ABCC1: variants seen among roughly 807,000 people sequenced by gnomAD.
ABCC1 encodes ATP binding cassette subfamily C member 1 (ABCC1 blood group).
In ABCC1, 83 loss-of-function variants were observed where a neutral mutation model predicts 172.9. The ratio of observed to expected loss-of-function variants is 0.48; its 90% confidence interval spans 0.40 to 0.58. The LOEUF (loss-of-function observed/expected upper bound fraction) is 0.58. Among genes scored for constraint, ABCC1 ranks in the 20% least tolerant of loss-of-function variants. ABCC1 has a pLI of 0.00. For synonymous variants in ABCC1, 937 were observed against 825.2 expected (o/e 1.14, Z -2.32); for missense variants, 1,817 against 2,002.7 (o/e 0.91, Z 1.77).
chr16:16,048,332 A>C, intron 10 of ABCC1, 29 bp downstream of exon 10: 1 of 1,611,736 alleles, frequency 6.2e-7, no homozygotes, highest in Non-Finnish European at 8.5e-7. Flanking sequence ...TTCCCTTTGC[A>C]TGCAGGGAGG....
chr16:16,063,744 G>T (rs961073782), intron 12 of ABCC1, among the ~76,000 whole-genome samples: 1 of 152,144 alleles, frequency 6.6e-6, no homozygotes, highest in African/African-American at 2.4e-5. Context: ...CTTGATGGTG[G>T]TTTCTTTATT....
intron 24 of ABCC1, among the ~76,000 whole-genome samples, 188 bp downstream of exon 24, chr16:16,122,362 C>T (rs1296976022): frequency 1.3e-5 from 2 of 152,162 alleles, no homozygotes; most frequent in African/African-American, 4.8e-5. Flanking sequence ...GCACTGTAGA[C>T]ATGCAGTGCC....
intron 25 of ABCC1, 27 bp downstream of exon 25, chr16:16,124,942 T>C: frequency 6.2e-7 from 1 of 1,614,040 alleles, no homozygotes; most frequent in Non-Finnish European, 8.5e-7. Flanking sequence ...TTGGCTGGAT[T>C]ATTAAAGTCT....
chr16:16,049,611 C>T (rs1222037379), intron 10 of ABCC1, among the ~76,000 whole-genome samples: 1 of 152,144 alleles, frequency 6.6e-6, no homozygotes, highest in Non-Finnish European at 1.5e-5. Flanking sequence ...AGATGGACTT[C>T]TTCTTTTGAA....
intron 12 of ABCC1, among the ~76,000 whole-genome samples, chr16:16,062,427 A>T (rs1041006252): frequency 2.0e-5 from 3 of 151,810 alleles, no homozygotes; most frequent in Non-Finnish European, 4.4e-5. Flanking sequence ...GCTCACTGCA[A>T]CCTCCAACTC....
intron 24 of ABCC1, 29 bp from the exon 25 acceptor site, chr16:16,124,760 T>A: frequency 6.2e-7 from 1 of 1,613,754 alleles, no homozygotes; most frequent in South Asian, 1.1e-5. Context: ...ACTCCATGCC[T>A]GTTTGTCTGC....
intron 12 of ABCC1, among the ~76,000 whole-genome samples, chr16:16,060,627 T>A (rs1253330308): frequency 6.6e-6 from 1 of 152,014 alleles, no homozygotes; most frequent in East Asian, 1.9e-4. Flanking sequence ...GTTCAAGCAA[T>A]TCTCCTGCCT....
At chr16:16,106,690 T>C (rs1286034925) in intron 20 of ABCC1, 48 bp from the exon 21 acceptor site, 2 of 1,611,674 alleles carry the variant, frequency 1.2e-6, no homozygotes, top group Middle Eastern at 1.7e-4. Context: ...CCTCCGACCC[T>C]GCCCAAGGCA....
chr16:16,102,378 A>G (rs969757594), intron 19 of ABCC1, among the ~76,000 whole-genome samples: 3 of 152,170 alleles, frequency 2.0e-5, no homozygotes, highest in Non-Finnish European at 1.5e-5. Flanking sequence ...CAGTGCCCTC[A>G]GTGGATGGAG....
intron 30 of ABCC1, among the ~76,000 whole-genome samples, 200 bp from the exon 31 acceptor site, chr16:16,140,973 G>C (rs2046104596): frequency 2.0e-5 from 3 of 152,230 alleles, no homozygotes; most frequent in Admixed American, 1.3e-4. Context: ...TAGATATTAA[G>C]GAGCTGGCCT....
At chr16:15,988,626 A>T (rs942748770) in intron 1 of ABCC1, among the ~76,000 whole-genome samples, 2 of 152,176 alleles carry the variant, frequency 1.3e-5, no homozygotes, top group African/African-American at 4.8e-5. Flanking sequence ...TGTCAGCTTC[A>T]TAGGACGGGC....
At chr16:16,113,289 C>T (rs986183303) in intron 22 of ABCC1, among the ~76,000 whole-genome samples, 2 of 152,178 alleles carry the variant, frequency 1.3e-5, no homozygotes, top group African/African-American at 2.4e-5. Context: ...ACAGCAACAA[C>T]GTCTGTTCCA....
At chr16:16,048,396 T>A (rs1427496386) in intron 10 of ABCC1, 93 bp downstream of exon 10, 1 of 1,428,980 alleles carries the variant, frequency 7.0e-7, no homozygotes, top group East Asian at 2.3e-5. Flanking sequence ...GGTAATGGCA[T>A]GTAGAGCTCC....
At chr16:16,097,489 A>T (rs777507634) in intron 19 of ABCC1, among the ~76,000 whole-genome samples, 3 of 152,210 alleles carry the variant, frequency 2.0e-5, no homozygotes, top group Non-Finnish European at 2.9e-5. Flanking sequence ...CACTCAGTAA[A>T]TGTGTTAAAT....
chr16:16,052,558 G>T (rs561851239), intron 10 of ABCC1, among the ~76,000 whole-genome samples, 166 bp from the exon 11 acceptor site: 22 of 152,328 alleles, frequency 1.4e-4, no homozygotes, highest in African/African-American at 5.1e-4. Flanking sequence ...AGATGCTCAG[G>T]AATGAAACCA....
Position 16,059,533 on chromosome 16 carries a change from A to T in ABCC1, c.1677+3238A>T, listed in dbSNP as rs138708901. ...AAAAATATGAAATCTGGCTGGGCGC[A>T]GGGGCTCATGCCTGTAATCTCAGCA... On this transcript the variant is annotated intron_variant, in intron 12 of 30. Coordinates refer to ENST00000399410, the MANE Select transcript of ABCC1 (RefSeq NM_004996.4). Among the ~76,000 whole-genome samples the T allele has an allele frequency of 2.6e-5, 4 of 152,138 alleles. No individual in the cohort carries two copies. The East Asian group carries it at 7.7e-4, about 29-fold the overall frequency.
At chr16:16,063,510 A>G (rs2049996249) in intron 12 of ABCC1, among the ~76,000 whole-genome samples, 1 of 152,224 alleles carries the variant, frequency 6.6e-6, no homozygotes, top group African/African-American at 2.4e-5. Flanking sequence ...ACATGAATGA[A>G]TGAGAGGTTG....
At chr16:15,970,083 G>A (rs28377922) in intron 1 of ABCC1, among the ~76,000 whole-genome samples, 1 of 152,158 alleles carries the variant, frequency 6.6e-6, no homozygotes, top group Non-Finnish European at 1.5e-5. Context: ...TGGGGAACCC[G>A]TTTGATGATA....
intron 3 of ABCC1, among the ~76,000 whole-genome samples, chr16:16,012,485 A>ATT (rs71674571): frequency 7.2e-5 from 10 of 138,698 alleles, no homozygotes; most frequent in African/African-American, 1.8e-4. Flanking sequence ...ATTAGAGTGG[A>ATT]TTTTTTTTTT....
Sources: allele counts gnomAD v4.1 joint callset (sites outside exome capture counted in the v4.1 genomes callset), GRCh38; gene constraint gnomAD v4.1.1; transcripts MANE v1.5; gene names NCBI Gene and HGNC (gene_info 2026-07-23, HGNC 2026-07-21).